The following CERKL variants were observed in gnomAD, a reference collection of about 807,000 sequenced individuals.
CERKL encodes the protein ceramide kinase-like protein.
A neutral mutation model predicts 63.4 loss-of-function variants in CERKL; 61 were observed. The observed-to-expected ratio is 0.96, with a 90% CI of 0.78 to 1.19. The LOEUF (loss-of-function observed/expected upper bound fraction) is 1.19. Among genes scored for constraint, CERKL ranks in the 50% most tolerant of loss-of-function variants. CERKL has a pLI of 0.00. For missense variants in CERKL, 675 were observed against 655.5 expected (o/e 1.03, Z -0.33); for synonymous variants, 250 against 230.5 (o/e 1.08, Z -0.77).
Position 181,536,739 on chromosome 2 carries a change from T to G in CERKL, c.*1445A>C, listed in dbSNP as rs542103149. 1 of 249,948 alleles carries G rather than the reference T, an allele frequency of 4.0e-6. No homozygotes were observed. The highest frequency in any genetic ancestry group is 1.0e-4 in the East Asian group (1 of 9,734). The allele number at this position is 249,948 out of a possible 1,614,324, so 15.5% of individuals were successfully genotyped here. On this transcript the variant is annotated 3_prime_UTR_variant, in exon 13 of 13. Transcript: ENST00000410087. The stretch of plus-strand genomic sequence containing the variant: ...TATGAGGTTCTATTTTAAATGACTT[T>G]CTGGATTTTAAAAAATTTCTTTAAA...
At chr2:181,655,492 T>TA (rs1688116860) in intron 1 of CERKL, among the ~76,000 whole-genome samples, 1 of 152,230 alleles carries the variant, frequency 6.6e-6, no homozygotes, top group African/African-American at 2.4e-5. Flanking sequence ...GCTTTTAACT[T>TA]AAAAGGTTCA....
intron 2 of CERKL, among the ~76,000 whole-genome samples, chr2:181,601,775 A>C (rs1199749425): frequency 2.0e-5 from 3 of 152,166 alleles, no homozygotes; most frequent in Non-Finnish European, 4.4e-5. Context: ...AGTCTTGGTT[A>C]GGTTTCTTCA....
intron 4 of CERKL, among the ~76,000 whole-genome samples, chr2:181,561,871 T>C (rs900983998): frequency 6.6e-6 from 1 of 152,158 alleles, no homozygotes; most frequent in African/African-American, 2.4e-5. Flanking sequence ...TGGAGAACAA[T>C]GGTGTGATCT....
intron 1 of CERKL, among the ~76,000 whole-genome samples, chr2:181,607,961 T>C (rs1242904580): frequency 6.6e-6 from 1 of 152,224 alleles, no homozygotes; most frequent in Non-Finnish European, 1.5e-5. Context: ...AAAAATCAGC[T>C]AGTCAAACAA....
intron 4 of CERKL, among the ~76,000 whole-genome samples, chr2:181,560,411 G>T (rs377287992): frequency 2.0e-5 from 3 of 152,168 alleles, no homozygotes; most frequent in East Asian, 3.8e-4. Context: ...GCCTCCCTAT[G>T]AGCATGTTCT....
rs200867785 is a variant in CERKL at position 181,537,179 on chromosome 2, G to A, written c.*1005C>T. 4.4e-6 allele frequency: 2 copies of A among 453,810 alleles called. No homozygotes were observed. Among genetic ancestry groups the A allele is most frequent in the Non-Finnish European group, 8.8e-6 (2 of 226,596 alleles). The allele number at this position is 453,810 out of a possible 1,614,324, so 28.1% of individuals were successfully genotyped here. A position where few individuals can be genotyped will look rare whatever the true frequency, so the allele number is the denominator to read the frequency against. On this transcript the variant is annotated 3_prime_UTR_variant, in exon 13 of 13. Coordinates refer to ENST00000410087, the MANE Select transcript of CERKL (RefSeq NM_201548.5). Reference sequence around the variant, plus strand: ...AGTCATTCTTTCAGGAGAACATCTAGGATCATAGATGAAAAATCAAGCCCC... The same window carrying A: ...AGTCATTCTTTCAGGAGAACATCTAAGATCATAGATGAAAAATCAAGCCCC...
chr2:181,556,961 T>C (rs1171412517), intron 5 of CERKL, among the ~76,000 whole-genome samples: 4 of 152,194 alleles, frequency 2.6e-5, no homozygotes, highest in East Asian at 3.9e-4. Context: ...TGATATCTCA[T>C]TGTGGTTTTG....
At chr2:181,607,673 A>C (rs1685776197) in intron 1 of CERKL, among the ~76,000 whole-genome samples, 3 of 152,212 alleles carry the variant, frequency 2.0e-5, no homozygotes, top group African/African-American at 7.2e-5. Flanking sequence ...GCTTATGGCC[A>C]GGGTCCCCAA....
intron 2 of CERKL, among the ~76,000 whole-genome samples, chr2:181,590,161 AG>A (rs1684932682): frequency 6.6e-6 from 1 of 151,868 alleles, no homozygotes; most frequent in African/African-American, 2.4e-5. Flanking sequence ...ATTTTGAGAC[AG>A]AGTCTCACTC....
chr2:181,536,699 AGTTT>A lies in CERKL; in HGVS notation c.*1481_*1484del, dbSNP rs1433979706. 5.7e-6 allele frequency: 1 copy of A among 176,772 alleles called. No homozygotes were observed. Among genetic ancestry groups the A allele is most frequent in the African/African-American group, 2.4e-5 (1 of 41,696 alleles). 11.0% of individuals were successfully genotyped at this position (176,772 alleles called of 1,614,324 possible). A position where few individuals can be genotyped will look rare whatever the true frequency, so the allele number is the denominator to read the frequency against. On this transcript the variant is annotated 3_prime_UTR_variant, in exon 13 of 13. Coordinates refer to ENST00000410087, the MANE Select transcript of CERKL (RefSeq NM_201548.5). ...TTCATGAAATGTAAAATATTTTTAT[AGTTT>A]GTTCATACTATATGAGGTTCTATTT... is the stretch of plus-strand genomic sequence containing the variant.
intron 4 of CERKL, among the ~76,000 whole-genome samples, chr2:181,560,929 T>G (rs1411847382): frequency 6.6e-6 from 1 of 152,126 alleles, no homozygotes; most frequent in Non-Finnish European, 1.5e-5. Context: ...TGACTCAACC[T>G]AGGAAATAAG....
chr2:181,606,721 G>A (rs998938744), intron 1 of CERKL, among the ~76,000 whole-genome samples: 6 of 152,212 alleles, frequency 3.9e-5, no homozygotes, highest in African/African-American at 1.4e-4. Flanking sequence ...CAGTCACCCA[G>A]TGACCTAAAA....
In CERKL at chr2:181,584,101, C is replaced by T. The variant is rs1684655531; in HGVS notation, c.482-10217G>A. ...AGCAGATACAGAAAAATGTTAAGAT[C>T]TGTAGAATCAAGGTGATAAAAATAT... On this transcript the variant is annotated intron_variant, in intron 2 of 12. Coordinates refer to ENST00000410087, the MANE Select transcript of CERKL (RefSeq NM_201548.5). Among the ~76,000 whole-genome samples, 7 of 152,136 alleles carry T rather than the reference C, an allele frequency of 4.6e-5. No homozygotes were observed. The South Asian group carries it at 1.5e-3, about 32-fold the overall frequency.
intron 1 of CERKL, among the ~76,000 whole-genome samples, chr2:181,621,627 C>T (rs964933746): frequency 5.3e-5 from 8 of 152,020 alleles, no homozygotes; most frequent in East Asian, 3.9e-4. Flanking sequence ...CAATTACTAC[C>T]GCATAGTTAG....
chr2:181,605,683 A>G (rs1685646815), intron 1 of CERKL, among the ~76,000 whole-genome samples: 1 of 152,234 alleles, frequency 6.6e-6, no homozygotes, highest in South Asian at 2.1e-4. Flanking sequence ...CATCCTGCAC[A>G]GTAAAATTCA....
At chr2:181,571,054 A>G (rs367875257) in intron 3 of CERKL, among the ~76,000 whole-genome samples, 63 of 152,292 alleles carry the variant, frequency 4.1e-4, no homozygotes, top group Middle Eastern at 6.8e-3. Flanking sequence ...TATTATGACC[A>G]CCTTTCTGTA....
intron 5 of CERKL, among the ~76,000 whole-genome samples, chr2:181,557,380 T>C (rs1183558745): frequency 6.6e-6 from 1 of 152,182 alleles, no homozygotes; most frequent in Non-Finnish European, 1.5e-5. Flanking sequence ...TTAAGTCTAA[T>C]GTTTAAGTCT....
intron 1 of CERKL, among the ~76,000 whole-genome samples, chr2:181,626,668 A>G (rs767816775): frequency 6.6e-6 from 1 of 152,232 alleles, no homozygotes; most frequent in Non-Finnish European, 1.5e-5. Flanking sequence ...TGTTAGATAC[A>G]TTTTGGTATG....
intron 3 of CERKL, among the ~76,000 whole-genome samples, chr2:181,572,780 C>CTTT (rs5836800): frequency 2.3e-5 from 3 of 131,196 alleles, no homozygotes; most frequent in East Asian, 2.1e-4. Context: ...ACAAAACTTG[C>CTTT]TTTTTTTTTT....
Sources: allele counts gnomAD v4.1 joint callset (sites outside exome capture counted in the v4.1 genomes callset), GRCh38; gene constraint gnomAD v4.1.1; transcripts MANE v1.5; gene names NCBI Gene and HGNC (gene_info 2026-07-23, HGNC 2026-07-21).